The following TBC1D5 variants were observed in gnomAD, a reference collection of about 807,000 sequenced individuals.
The protein encoded by TBC1D5 is TBC1 domain family, member 5.
A neutral mutation model predicts 100.3 loss-of-function variants in TBC1D5; 75 were observed. That is an observed-to-expected ratio of 0.75 (90% CI 0.62 to 0.91). The LOEUF is 0.91. Among genes scored for constraint, TBC1D5 ranks in the 40% least tolerant of loss-of-function variants. The probability of loss-of-function intolerance (pLI) is 0.00; values close to 1 mark genes in which losing one functional copy is unlikely to be tolerated. For missense variants in TBC1D5, 910 were observed against 942.4 expected, an observed-to-expected ratio of 0.97 and a Z score of 0.45; for synonymous variants, 323 against 325.6, an observed-to-expected ratio of 0.99 and a Z score of 0.09.
At chr3:17,533,726 C>A (rs1334447430) in intron 2 of TBC1D5, among the ~76,000 whole-genome samples, 1 of 151,784 alleles carries the variant, frequency 6.6e-6, no homozygotes, top group Non-Finnish European at 1.5e-5. Context: ...CTTTAGTTAG[C>A]TCTAACAATC....
chr3:17,563,722 G>A (rs902079616), intron 2 of TBC1D5, among the ~76,000 whole-genome samples: 1 of 152,134 alleles, frequency 6.6e-6, no homozygotes, highest in Non-Finnish European at 1.5e-5. Context: ...AGAAACAATG[G>A]TCATCACTGG....
intron 1 of TBC1D5, among the ~76,000 whole-genome samples, chr3:17,715,840 C>T (rs1017302736): frequency 7.2e-5 from 11 of 151,836 alleles, no homozygotes; most frequent in East Asian, 1.9e-4. Context: ...GGGAGGATCA[C>T]GAGGTCAAGA....
At chr3:17,490,481 TA>T (rs1397788610) in intron 3 of TBC1D5, among the ~76,000 whole-genome samples, 1 of 152,226 alleles carries the variant, frequency 6.6e-6, no homozygotes, top group Non-Finnish European at 1.5e-5. Context: ...TTTAAGTCTT[TA>T]ATCCATCTTG....
intron 19 of TBC1D5, among the ~76,000 whole-genome samples, chr3:17,173,742 C>T (rs2067402254): frequency 6.6e-6 from 1 of 152,136 alleles, no homozygotes; most frequent in Admixed American, 6.5e-5. Flanking sequence ...ATACCCTGAT[C>T]TTTAACAATC....
chr3:17,214,242 G>C, exon 18 of TBC1D5: 1 of 1,613,222 alleles, frequency 6.2e-7, no homozygotes. Context: ...CTGTGTGAGC[G>C]AGAACGTGAG....
chr3:17,277,141 A>G (rs2080102938), intron 15 of TBC1D5, among the ~76,000 whole-genome samples: 1 of 152,250 alleles, frequency 6.6e-6, no homozygotes, highest in African/African-American at 2.4e-5. Flanking sequence ...AAAGGAAACG[A>G]TCATTATAGT....
intron 2 of TBC1D5, among the ~76,000 whole-genome samples, chr3:17,532,271 C>T (rs2096236887): frequency 6.6e-6 from 1 of 152,186 alleles, no homozygotes; most frequent in Non-Finnish European, 1.5e-5. Flanking sequence ...AAATGCAAAT[C>T]AAAACCACAA....
At chr3:17,199,662 T>C (rs2071201889) in intron 18 of TBC1D5, among the ~76,000 whole-genome samples, 1 of 152,184 alleles carries the variant, frequency 6.6e-6, no homozygotes, top group African/African-American at 2.4e-5. Flanking sequence ...TATATATATG[T>C]ACTGAAGGGA....
At chr3:17,665,396 C>CT (rs1331680095) in intron 1 of TBC1D5, among the ~76,000 whole-genome samples, 1 of 152,194 alleles carries the variant, frequency 6.6e-6, no homozygotes, top group Non-Finnish European at 1.5e-5. Flanking sequence ...CTGCAAATCT[C>CT]TTTAACATCA....
At chr3:17,473,123 C>T (rs978258523) in intron 3 of TBC1D5, among the ~76,000 whole-genome samples, 2 of 152,106 alleles carry the variant, frequency 1.3e-5, no homozygotes, top group East Asian at 1.9e-4. Context: ...GTAAATATCT[C>T]GGTCAAGTGC....
rs577220043 is a variant in TBC1D5, at chr3:17,626,414, G to GTAA, written c.-100-2504_-100-2502dup. Among the ~76,000 whole-genome samples, 154 of 152,288 alleles carry GTAA rather than the reference G, an allele frequency of 1.0e-3. 2 individuals carry two copies. In the South Asian group the frequency reaches 0.018, roughly 18 times the overall value. ...ACGGGAAAAAAATAAGTGGGCATTTGTAATGAACTGTACATGGCTAAGAGA... is the reference window on the plus strand; with the variant it reads ...ACGGGAAAAAAATAAGTGGGCATTTGTAATAATGAACTGTACATGGCTAAGAGA... On this transcript the variant is annotated intron_variant, in intron 1 of 21. Coordinates refer to ENST00000253692, the Ensembl canonical transcript of TBC1D5.
chr3:17,284,899 T>C (rs981024011), intron 15 of TBC1D5, among the ~76,000 whole-genome samples: 4 of 151,860 alleles, frequency 2.6e-5, no homozygotes, highest in African/African-American at 4.8e-5. Flanking sequence ...ATAATAAACA[T>C]CCAATTGGTT....
intron 9 of TBC1D5, among the ~76,000 whole-genome samples, chr3:17,381,866 G>A (rs868304728): frequency 9.9e-5 from 15 of 151,968 alleles, no homozygotes; most frequent in South Asian, 8.3e-4. Context: ...TCCAATAAAT[G>A]TGTAATTTAA....
intron 2 of TBC1D5, among the ~76,000 whole-genome samples, chr3:17,573,251 C>G (rs2153513702): frequency 6.6e-6 from 1 of 152,148 alleles, no homozygotes; most frequent in East Asian, 1.9e-4. Flanking sequence ...CAACCAACTG[C>G]TAGATATGAT....
chr3:17,302,409 A>T (rs1432818262), intron 14 of TBC1D5, among the ~76,000 whole-genome samples: 2 of 152,180 alleles, frequency 1.3e-5, no homozygotes, highest in African/African-American at 4.8e-5. Context: ...CATTTGCAAC[A>T]ATCTATTCCC....
At chr3:17,586,488 G>A (rs190143184) in intron 2 of TBC1D5, 1 of 152,170 alleles carries the variant, frequency 6.6e-6, no homozygotes, top group Non-Finnish European at 1.5e-5. Context: ...AACAGAAATT[G>A]AAGAGGAATC....
chr3:17,543,430 C>T (rs144436765), intron 2 of TBC1D5, among the ~76,000 whole-genome samples: 1,843 of 151,972 alleles, frequency 0.012, 23 homozygotes, highest in Non-Finnish European at 0.019. Context: ...GTCAGGAGTT[C>T]GAAACCAGCC....
chr3:17,243,758 T>A (rs2076501820), intron 16 of TBC1D5, among the ~76,000 whole-genome samples: 1 of 152,176 alleles, frequency 6.6e-6, no homozygotes, highest in African/African-American at 2.4e-5. Context: ...GGGTTTGGTT[T>A]GGCTGACAAG....
In TBC1D5 at chr3:17,552,424, T is replaced by C. The variant is rs563677828; in HGVS notation, c.-35-43819A>G. Among the ~76,000 whole-genome samples the C allele has an allele frequency of 3.9e-5, 6 of 152,196 alleles. No individual in the cohort carries two copies. In the East Asian group the frequency reaches 9.6e-4, roughly 24 times the overall value. Reference sequence around the variant, plus strand: ...AATCAAACAGCACACTAAGGATGTATAGGAGTTGACTAGACCAGGTTGAGG... The same window carrying C: ...AATCAAACAGCACACTAAGGATGTACAGGAGTTGACTAGACCAGGTTGAGG... On this transcript the variant is annotated intron_variant, in intron 2 of 21. Transcript: ENST00000253692.
Sources: allele counts gnomAD v4.1 joint callset (sites outside exome capture counted in the v4.1 genomes callset), GRCh38; gene constraint gnomAD v4.1.1; transcripts MANE v1.5; gene names NCBI Gene and HGNC (gene_info 2026-07-23, HGNC 2026-07-21).